The following ELMO1 variants were observed in gnomAD, a reference collection of about 807,000 sequenced individuals.
ELMO1 encodes engulfment and cell motility protein 1.
ELMO1 carries 26 observed loss-of-function variants against 98.9 expected under a neutral mutation model. That is an observed-to-expected ratio of 0.26 (90% CI 0.19 to 0.36). The LOEUF (loss-of-function observed/expected upper bound fraction) is 0.36. Among genes scored for constraint, ELMO1 ranks in the 10% least tolerant of loss-of-function variants. The probability of loss-of-function intolerance (pLI) is 1.00; values close to 1 mark genes in which losing one functional copy is unlikely to be tolerated. For synonymous variants in ELMO1, 346 were observed against 346.0 expected, an observed-to-expected ratio of 1.00 and a Z score of 0.00; for missense variants, 627 against 935.2, an observed-to-expected ratio of 0.67 and a Z score of 4.30.
chr7:37,010,005 T>C (rs1236644656), intron 16 of ELMO1, among the ~76,000 whole-genome samples: 2 of 152,138 alleles, frequency 1.3e-5, no homozygotes, highest in East Asian at 3.8e-4. Flanking sequence ...GGCTGATAGA[T>C]GGGCAGCAGA....
intron 16 of ELMO1, among the ~76,000 whole-genome samples, chr7:36,972,712 C>G (rs1167406045): frequency 6.6e-6 from 1 of 152,200 alleles, no homozygotes; most frequent in East Asian, 1.9e-4. Flanking sequence ...CTGTAAGACC[C>G]TATCTCCAAA....
chr7:37,185,648 G>A (rs1791155460), intron 13 of ELMO1, among the ~76,000 whole-genome samples: 1 of 152,158 alleles, frequency 6.6e-6, no homozygotes, highest in East Asian at 1.9e-4. Flanking sequence ...AGCCAGACAA[G>A]ATTTTTGATC....
At chr7:37,048,690 C>A (rs184396919) in intron 15 of ELMO1, among the ~76,000 whole-genome samples, 77 of 152,304 alleles carry the variant, frequency 5.1e-4, no homozygotes, top group African/African-American at 1.8e-3. Flanking sequence ...TGTTTAAACA[C>A]GTTTCATGAG....
At chr7:37,290,821 G>A (rs925250435) in intron 4 of ELMO1, among the ~76,000 whole-genome samples, 15 of 151,916 alleles carry the variant, frequency 9.9e-5, no homozygotes, top group African/African-American at 3.4e-4. Context: ...AATTCATATG[G>A]AGGAGTAAAA....
intron 15 of ELMO1, among the ~76,000 whole-genome samples, chr7:37,084,883 T>C (rs901202154): frequency 2.0e-5 from 3 of 151,628 alleles, no homozygotes; most frequent in Admixed American, 6.6e-5. Flanking sequence ...CAGCCTCCCA[T>C]GTAGTTGGGA....
chr7:37,315,870 T>TAAATATA (rs1354406373), intron 3 of ELMO1, 50 bp downstream of exon 3: 2 of 1,462,280 alleles, frequency 1.4e-6, no homozygotes, highest in African/African-American at 2.8e-5. Flanking sequence ...ATTATTTGCT[T>TAAATATA]GTCAATTTAT....
chr7:37,407,237 C>T (rs142250940), intron 1 of ELMO1, among the ~76,000 whole-genome samples: 1,898 of 152,154 alleles, frequency 0.012, 15 homozygotes, highest in Non-Finnish European at 0.02. Context: ...GGGTCTGGCG[C>T]GGTGGCTCAC....
intron 16 of ELMO1, 23 bp from the exon 17 acceptor site, chr7:36,895,040 C>T: frequency 6.2e-7 from 1 of 1,611,260 alleles, no homozygotes; most frequent in Non-Finnish European, 8.5e-7. Flanking sequence ...GGAAGACCAT[C>T]ATTTTCCTGG....
At chr7:37,180,409 T>C (rs975765699) in intron 13 of ELMO1, among the ~76,000 whole-genome samples, 7 of 152,050 alleles carry the variant, frequency 4.6e-5, no homozygotes, top group Non-Finnish European at 7.4e-5. Context: ...CAAATCCAAA[T>C]TGAGAGAGAT....
At chr7:37,232,354 T>C (rs1262265667) in intron 8 of ELMO1, among the ~76,000 whole-genome samples, 2 of 152,070 alleles carry the variant, frequency 1.3e-5, no homozygotes, top group Admixed American at 6.6e-5. Flanking sequence ...ATTTCGCAAA[T>C]ACAAAGAAAG....
chr7:37,363,374 C>A (rs1801775155), intron 1 of ELMO1, among the ~76,000 whole-genome samples: 2 of 152,168 alleles, frequency 1.3e-5, no homozygotes, highest in Non-Finnish European at 2.9e-5. Flanking sequence ...CTGTTTAAAT[C>A]CCTTCAATGG....
chr7:37,002,381 A>G (rs1327342245), intron 16 of ELMO1, among the ~76,000 whole-genome samples: 5 of 152,252 alleles, frequency 3.3e-5, no homozygotes, highest in Non-Finnish European at 7.3e-5. Flanking sequence ...GAAGTATGCT[A>G]CTACCACGAA....
chr7:36,950,277 C>A (rs1787863313), intron 16 of ELMO1, among the ~76,000 whole-genome samples: 1 of 152,218 alleles, frequency 6.6e-6, no homozygotes, highest in South Asian at 2.1e-4. Context: ...TCCTTCAGCC[C>A]TGTGAGCAAG....
chr7:37,382,279 T>G (rs771964007), intron 1 of ELMO1, among the ~76,000 whole-genome samples: 4 of 152,190 alleles, frequency 2.6e-5, no homozygotes, highest in Non-Finnish European at 5.9e-5. Flanking sequence ...ATTTCAGACA[T>G]ACATAAATAT....
At chr7:37,208,386 A>G (rs1330070253) in intron 13 of ELMO1, among the ~76,000 whole-genome samples, 1 of 152,258 alleles carries the variant, frequency 6.6e-6, no homozygotes, top group African/African-American at 2.4e-5. Flanking sequence ...TTGTCATGTA[A>G]TGCTTGCTGG....
At chr7:37,259,095 G>A (rs1484866277) in intron 6 of ELMO1, 86 bp downstream of exon 6, 16 of 1,428,170 alleles carry the variant, frequency 1.1e-5, no homozygotes, top group Non-Finnish European at 1.5e-5. Context: ...CTTTAAAACA[G>A]AGTTTGCAAG....
intron 1 of ELMO1, among the ~76,000 whole-genome samples, chr7:37,402,252 G>T (rs1803568234): frequency 6.6e-6 from 1 of 152,144 alleles, no homozygotes; most frequent in South Asian, 2.1e-4. Flanking sequence ...GATGAGGCCA[G>T]GTTGTGAGTG....
At position 37,096,739 on chromosome 7, in the gene ELMO1, A is replaced by G. The variant is rs1176696201; in HGVS notation, c.1192-12T>C. ...TTCTCAAGCACAATCTGTAATGGGA[A>G]AGGGAACAGATTAGAAAGGAAATTC... is the stretch of plus-strand genomic sequence containing the variant. On this transcript the variant is annotated splice_polypyrimidine_tract_variant and intron_variant, in intron 14 of 21. Transcript: ENST00000310758. 2 of 1,606,666 alleles carry G rather than the reference A, an allele frequency of 1.2e-6. No homozygotes were observed. Among genetic ancestry groups the G allele is most frequent in the East Asian group, 2.2e-5 (1 of 44,858 alleles).
rs1189345389 is a variant in ELMO1 at position 37,013,303 on chromosome 7, T to G, written c.1433A>C (p.Asn478Thr). Residue 478 changes from asparagine to threonine, a missense_variant, in exon 16 of 22, where the codon AAC (asparagine) becomes ACC (threonine). Asn to Thr is a moderately conservative substitution (Grantham distance 65). Coordinates refer to ENST00000310758, the MANE Select transcript of ELMO1 (RefSeq NM_014800.11). ...TCTATCCGAGATCCACATTACCTTG[T>G]TGAAGTCTTCAGAAGTTGCCCTCAT... Reference protein sequence around the residue: ...KEMRATSEDFNKVMQVVKEQV... With the variant: ...KEMRATSEDFTKVMQVVKEQV... 6.2e-7 allele frequency: 1 copy of G among 1,614,130 alleles called. No individual in the cohort carries two copies. Among genetic ancestry groups the G allele is most frequent in the Admixed American group, 1.7e-5 (1 of 60,026 alleles).
Sources: allele counts gnomAD v4.1 joint callset (sites outside exome capture counted in the v4.1 genomes callset), GRCh38; gene constraint gnomAD v4.1.1; transcripts MANE v1.5; gene names NCBI Gene and HGNC (gene_info 2026-07-23, HGNC 2026-07-21).